IL1RAPL1: variants seen among roughly 807,000 people sequenced by gnomAD.
IL1RAPL1 encodes the protein interleukin 1 receptor accessory protein like 1.
In IL1RAPL1, 3 loss-of-function variants were observed where a neutral mutation model predicts 48.4. The observed-to-expected ratio is 0.06, with a 90% CI of 0.03 to 0.16. The LOEUF (loss-of-function observed/expected upper bound fraction) is 0.16. Among genes scored for constraint, IL1RAPL1 ranks in the 10% least tolerant of loss-of-function variants. IL1RAPL1 has a pLI of 1.00. For missense variants in IL1RAPL1, 349 were observed against 530.6 expected, an observed-to-expected ratio of 0.66 and a Z score of 3.36; for synonymous variants, 185 against 187.7, an observed-to-expected ratio of 0.99 and a Z score of 0.12.
intron 2 of IL1RAPL1, among the ~76,000 whole-genome samples, chrX:29,101,912 G>T (rs2147464189): frequency 9.0e-6 from 1 of 111,437 alleles, no homozygotes; most frequent in South Asian, 3.8e-4. Context: ...ACTCCAGCCT[G>T]GGCAACAAGA....
At chrX:29,086,793 G>A (rs749361651) in intron 2 of IL1RAPL1, among the ~76,000 whole-genome samples, 1 of 111,809 alleles carries the variant, frequency 8.9e-6, no homozygotes, top group Non-Finnish European at 1.9e-5. Context: ...TAATATGTAG[G>A]GAAAATATAA....
chrX:28,895,901 C>A (rs529447050), intron 2 of IL1RAPL1, among the ~76,000 whole-genome samples: 1 of 112,065 alleles, frequency 8.9e-6, no homozygotes, highest in South Asian at 3.7e-4. Context: ...CAGAGAGCCT[C>A]GGGCCAGAGT....
intron 3 of IL1RAPL1, among the ~76,000 whole-genome samples, chrX:29,297,812 CTTTA>C (rs1440645414): frequency 9.0e-6 from 1 of 111,615 alleles, no homozygotes; most frequent in Non-Finnish European, 1.9e-5. Context: ...GTAGATCTTC[CTTTA>C]TTTACTTAAA....
At chrX:29,799,443 T>C (rs1333386644) in intron 6 of IL1RAPL1, among the ~76,000 whole-genome samples, 1 of 112,113 alleles carries the variant, frequency 8.9e-6, no homozygotes, top group Non-Finnish European at 1.9e-5. Context: ...AATGCCAATA[T>C]TACGATTAGC....
At chrX:28,895,313 G>A (rs1188427030) in intron 2 of IL1RAPL1, among the ~76,000 whole-genome samples, 5 of 110,788 alleles carry the variant, frequency 4.5e-5, no homozygotes, top group Admixed American at 1.9e-4. Context: ...TGTAGCAGGT[G>A]AGTGATAACA....
chrX:28,725,463 A>G (rs373036646), intron 1 of IL1RAPL1, among the ~76,000 whole-genome samples: 1 of 111,766 alleles, frequency 8.9e-6, no homozygotes, highest in East Asian at 2.8e-4. Flanking sequence ...TTACCGGGTA[A>G]TTATGATAGA....
chrX:28,943,189 C>A (rs1924208424), intron 2 of IL1RAPL1, among the ~76,000 whole-genome samples: 1 of 98,677 alleles, frequency 1.0e-5, no homozygotes. Context: ...GTCATTAGAG[C>A]AGCTTTAAAA....
intron 6 of IL1RAPL1, among the ~76,000 whole-genome samples, chrX:29,869,239 T>C (rs1931756907): frequency 8.9e-6 from 1 of 111,933 alleles, no homozygotes; most frequent in African/African-American, 3.2e-5. Flanking sequence ...AACTGAGAGA[T>C]TAATTTGCAA....
intron 2 of IL1RAPL1, among the ~76,000 whole-genome samples, chrX:29,230,778 C>A (rs1931188997): frequency 9.0e-6 from 1 of 110,689 alleles, no homozygotes; most frequent in Non-Finnish European, 1.9e-5. Flanking sequence ...TCTTCAACCA[C>A]CTATTTTATT....
At chrX:29,538,004 C>T (rs1174611590) in intron 5 of IL1RAPL1, among the ~76,000 whole-genome samples, 2 of 111,083 alleles carry the variant, frequency 1.8e-5, no homozygotes, top group Non-Finnish European at 3.8e-5. Flanking sequence ...GATACAATTA[C>T]ATTAACTATA....
intron 2 of IL1RAPL1, among the ~76,000 whole-genome samples, chrX:29,099,044 C>G (rs1446682002): frequency 9.0e-6 from 1 of 110,765 alleles, no homozygotes; most frequent in Non-Finnish European, 1.9e-5. Flanking sequence ...CCCAGCTACT[C>G]GGGAGGCTGA....
chrX:29,167,245 T>G (rs1356869047), intron 2 of IL1RAPL1, among the ~76,000 whole-genome samples: 3 of 110,304 alleles, frequency 2.7e-5, no homozygotes, highest in Non-Finnish European at 5.7e-5. Flanking sequence ...GGTATATAAT[T>G]TATATAGTGA....
chrX:29,672,435 C>T (rs2147101605), intron 6 of IL1RAPL1, among the ~76,000 whole-genome samples: 1 of 111,417 alleles, frequency 9.0e-6, no homozygotes, highest in South Asian at 3.8e-4. Context: ...ACCTCTCTCT[C>T]CTCTCTTTTA....
At chrX:29,160,465 C>T (rs1291535782) in intron 2 of IL1RAPL1, among the ~76,000 whole-genome samples, 1 of 111,346 alleles carries the variant, frequency 9.0e-6, no homozygotes, top group East Asian at 2.8e-4. Flanking sequence ...TTTACTAAAA[C>T]GATAGTAATA....
chrX:28,841,257 C>G (rs3861344), intron 2 of IL1RAPL1, among the ~76,000 whole-genome samples: 17,704 of 109,898 alleles, frequency 0.16, 2,661 homozygotes, highest in African/African-American at 0.47. Context: ...CTAGGAGATT[C>G]AGAACTTCTT....
At chrX:29,636,766 C>T (rs1026148414) in intron 5 of IL1RAPL1, among the ~76,000 whole-genome samples, 5 of 111,788 alleles carry the variant, frequency 4.5e-5, no homozygotes, top group African/African-American at 1.6e-4. Flanking sequence ...AGGCTGGGCA[C>T]TGTGGCTCAC....
At chrX:28,906,610 C>T (rs1206982538) in intron 2 of IL1RAPL1, among the ~76,000 whole-genome samples, 1 of 111,989 alleles carries the variant, frequency 8.9e-6, no homozygotes, top group Non-Finnish European at 1.9e-5. Context: ...ACTATTTCCC[C>T]AGCTAGCAAA....
chrX:29,348,430 C>T (rs1204049922), intron 3 of IL1RAPL1, among the ~76,000 whole-genome samples: 1 of 112,012 alleles, frequency 8.9e-6, no homozygotes, highest in Non-Finnish European at 1.9e-5. Context: ...ACTTTTGGAT[C>T]ATATCTGGGT....
At chrX:29,574,124 T>A (rs1055609274) in intron 5 of IL1RAPL1, among the ~76,000 whole-genome samples, 1 of 109,781 alleles carries the variant, frequency 9.1e-6, no homozygotes, top group Non-Finnish European at 1.9e-5. Context: ...AGGAAACTTA[T>A]AATCATGGTA....
Sources: gnomAD v4.1 joint callset for allele counts (sites outside exome capture counted in the v4.1 genomes callset) on GRCh38, gnomAD v4.1.1 for gene constraint, MANE v1.5 for transcripts, NCBI Gene and HGNC (gene_info 2026-07-23, HGNC 2026-07-21) for gene names.